Variants in ZMAT4 observed in about 807,000 individuals in gnomAD.
The protein encoded by ZMAT4 is zinc finger matrin-type protein 4.
In ZMAT4, 17 loss-of-function variants were observed where a neutral mutation model predicts 28.7. The observed-to-expected ratio is 0.59, with a 90% confidence interval of 0.41 to 0.89. ZMAT4 has a LOEUF of 0.89. Ranked by LOEUF, ZMAT4 falls within the 40% of genes least tolerant of loss-of-function variation. The pLI is 0.00. For synonymous variants in ZMAT4, 117 were observed against 109.2 expected, an observed-to-expected ratio of 1.07 and a Z score of -0.44; for missense variants, 240 against 283.8, an observed-to-expected ratio of 0.85 and a Z score of 1.11.
At chr8:40,551,172 T>C (rs1287765749) in intron 6 of ZMAT4, among the ~76,000 whole-genome samples, 2 of 152,138 alleles carry the variant, frequency 1.3e-5, no homozygotes, top group African/African-American at 4.8e-5. Context: ...TAGTAGATAA[T>C]AAATACATGC....
At chr8:40,575,334 G>A (rs967850086) in intron 6 of ZMAT4, among the ~76,000 whole-genome samples, 1 of 152,080 alleles carries the variant, frequency 6.6e-6, no homozygotes, top group African/African-American at 2.4e-5. Context: ...ATACAGCCCT[G>A]AGAAGCCCAA....
intron 5 of ZMAT4, among the ~76,000 whole-genome samples, chr8:40,606,493 C>A (rs1295620134): frequency 6.6e-6 from 1 of 152,158 alleles, no homozygotes; most frequent in African/African-American, 2.4e-5. Context: ...TTTAAGGAGG[C>A]TAAAGATAGG....
intron 2 of ZMAT4, among the ~76,000 whole-genome samples, chr8:40,771,971 G>A (rs4236933): frequency 0.59 from 89,554 of 152,054 alleles, 27,429 homozygotes; most frequent in Middle Eastern, 0.72. Context: ...GAACTTTAAG[G>A]AGAACACTTA....
intron 5 of ZMAT4, among the ~76,000 whole-genome samples, chr8:40,584,277 G>A (rs1804588898): frequency 6.6e-6 from 1 of 152,056 alleles, no homozygotes; most frequent in African/African-American, 2.4e-5. Context: ...CTCAGCCCTG[G>A]AGGAGCCAGA....
At chr8:40,745,440 T>C (rs2150539279) in intron 3 of ZMAT4, among the ~76,000 whole-genome samples, 1 of 152,318 alleles carries the variant, frequency 6.6e-6, no homozygotes, top group East Asian at 1.9e-4. Context: ...GAAAACTGCA[T>C]TTTCCAGAAC....
intron 3 of ZMAT4, among the ~76,000 whole-genome samples, chr8:40,708,163 TAG>T (rs1810443629): frequency 6.6e-6 from 1 of 152,016 alleles, no homozygotes; most frequent in Non-Finnish European, 1.5e-5. Context: ...TGCAGGGAAA[TAG>T]AGTGAGGCAA....
intron 2 of ZMAT4, among the ~76,000 whole-genome samples, chr8:40,779,357 C>G (rs1813734577): frequency 6.6e-6 from 1 of 152,018 alleles, no homozygotes; most frequent in South Asian, 2.1e-4. Context: ...TGAACTAATG[C>G]AAGTACCCAC....
chr8:40,694,838 T>C (rs1308293423), intron 4 of ZMAT4, among the ~76,000 whole-genome samples: 1 of 152,136 alleles, frequency 6.6e-6, no homozygotes, highest in Admixed American at 6.6e-5. Context: ...TAAAAACTAT[T>C]GATCTAACTT....
chr8:40,538,784 C>CT (rs904501683), intron 6 of ZMAT4, among the ~76,000 whole-genome samples: 64 of 151,082 alleles, frequency 4.2e-4, no homozygotes, highest in African/African-American at 1.3e-3. Context: ...TTTTCTTTCT[C>CT]TTTTTTTTTG....
intron 2 of ZMAT4, among the ~76,000 whole-genome samples, chr8:40,787,847 C>T (rs963378009): frequency 7.2e-5 from 11 of 152,270 alleles, no homozygotes; most frequent in Admixed American, 6.5e-4. Context: ...CAACTTAAAC[C>T]TTATGAATTG....
At position 40,772,415 on chromosome 8, in the gene ZMAT4, A is replaced by G. The variant is rs115352345; in HGVS notation, c.103-4685T>C. On this transcript the variant is annotated intron_variant, in intron 2 of 6. Transcript: ENST00000297737. The stretch of plus-strand genomic sequence containing the variant: ...TATTGCTGTGAAAGAAGGAGGTGAA[A>G]CACATAGAAATAGAATGGCTTTTTG... Among the ~76,000 whole-genome samples the G allele has an allele frequency of 4.8e-3, 737 of 152,356 alleles. 8 individuals carry two copies. Among genetic ancestry groups the G allele is most frequent in the African/African-American group, 0.017 (702 of 41,590 alleles).
intron 2 of ZMAT4, among the ~76,000 whole-genome samples, chr8:40,781,366 G>A (rs1813816955): frequency 6.6e-6 from 1 of 152,094 alleles, no homozygotes; most frequent in African/African-American, 2.4e-5. Flanking sequence ...AAGTTGGAGA[G>A]CTCACACTCC....
At chr8:40,538,499 G>C (rs922298064) in intron 6 of ZMAT4, among the ~76,000 whole-genome samples, 2 of 152,018 alleles carry the variant, frequency 1.3e-5, no homozygotes, top group South Asian at 2.1e-4. Flanking sequence ...GCTGCATCGC[G>C]GGCCATAGTA....
At chr8:40,791,428 A>G (rs910903032) in intron 2 of ZMAT4, among the ~76,000 whole-genome samples, 3 of 152,234 alleles carry the variant, frequency 2.0e-5, no homozygotes, top group African/African-American at 4.8e-5. Flanking sequence ...AGAGTAATGT[A>G]CAATTTACAA....
At chr8:40,535,127 T>C (rs1276973703) in intron 6 of ZMAT4, among the ~76,000 whole-genome samples, 1 of 152,138 alleles carries the variant, frequency 6.6e-6, no homozygotes, top group Non-Finnish European at 1.5e-5. Context: ...TGTCAGGGAA[T>C]GTGGCGCGAC....
intron 2 of ZMAT4, among the ~76,000 whole-genome samples, chr8:40,812,909 G>C (rs1645316385): frequency 6.7e-6 from 1 of 149,318 alleles, no homozygotes; most frequent in Admixed American, 6.7e-5. Context: ...CTCCAGCCTG[G>C]GCGACAAGAG....
At chr8:40,623,304 T>A (rs1010528060) in intron 5 of ZMAT4, among the ~76,000 whole-genome samples, 3 of 152,194 alleles carry the variant, frequency 2.0e-5, no homozygotes, top group African/African-American at 7.2e-5. Flanking sequence ...TGGCACAGAA[T>A]GCAGATTCTG....
chr8:40,731,413 A>G (rs1447520751), intron 3 of ZMAT4, among the ~76,000 whole-genome samples: 1 of 62,884 alleles, frequency 1.6e-5, no homozygotes, highest in African/African-American at 5.4e-5. Flanking sequence ...ACAGCCTACA[A>G]TGATCAGACA....
In ZMAT4 at chr8:40,531,521, G is replaced by A. The variant is rs1306834210; in HGVS notation, c.*702C>T. On this transcript the variant is annotated 3_prime_UTR_variant, in exon 7 of 7. Transcript: ENST00000297737. ...CGTTTTTGCCTAAGAAGATCATCATGCAGGCAGACTAATTCTTTTCCTAAG... is the reference window on the plus strand; with the variant it reads ...CGTTTTTGCCTAAGAAGATCATCATACAGGCAGACTAATTCTTTTCCTAAG... 6 of 152,754 alleles carry A rather than the reference G, an allele frequency of 3.9e-5. No individual in the cohort carries two copies. The South Asian group carries it at 1.2e-3, about 32-fold the overall frequency. The allele number at this position is 152,754 out of a possible 1,614,324, so 9.5% of individuals were successfully genotyped here.
Sources: gnomAD v4.1 joint callset for allele counts (sites outside exome capture counted in the v4.1 genomes callset) on GRCh38, gnomAD v4.1.1 for gene constraint, MANE v1.5 for transcripts, NCBI Gene and HGNC (gene_info 2026-07-23, HGNC 2026-07-21) for gene names.